RBFOX1: variants seen among roughly 807,000 people sequenced by gnomAD.
The protein encoded by RBFOX1 is RNA binding fox-1 homolog 1, also known as RNA binding protein fox-1 homolog 1.
RBFOX1 carries 8 observed loss-of-function variants against 57.7 expected under a neutral mutation model. The ratio of observed to expected loss-of-function variants is 0.14; its 90% CI spans 0.08 to 0.25. The LOEUF (loss-of-function observed/expected upper bound fraction) is 0.25, where lower values mean the gene tolerates loss of function less well. Among genes scored for constraint, RBFOX1 ranks in the 10% least tolerant of loss-of-function variants. The pLI is 1.00. For missense variants in RBFOX1, 611 were observed against 548.5 expected (o/e 1.11, Z -1.14); for synonymous variants, 326 against 222.4 (o/e 1.47, Z -4.15).
At chr16:7,375,055 T>C (rs1367121057) in intron 4 of RBFOX1, among the ~76,000 whole-genome samples, 1 of 152,370 alleles carries the variant, frequency 6.6e-6, no homozygotes, top group Middle Eastern at 3.4e-3. Flanking sequence ...GATAGGCGTA[T>C]GTTTCAGGAG....
intron 5 of RBFOX1, among the ~76,000 whole-genome samples, chr16:7,559,896 G>A (rs2089899367): frequency 6.6e-6 from 1 of 152,216 alleles, no homozygotes; most frequent in Non-Finnish European, 1.5e-5. Flanking sequence ...AGGTCAAATA[G>A]TTGTCTTTGG....
Position 5,819,275 on chromosome 16 carries a change from G to A in RBFOX1, c.319-48028G>A, listed in dbSNP as rs28407272. Among the ~76,000 whole-genome samples, 236 of 152,270 alleles carry A rather than the reference G, an allele frequency of 1.5e-3. 1 individual carries two copies. The highest frequency in any genetic ancestry group is 5.5e-3 in the African/African-American group (228 of 41,546). ...ACAAAGGATCATACGAGCTCTCTGGGATCTCTTTTATAAGGGCCCTAATCC... is the reference window on the plus strand; with the variant it reads ...ACAAAGGATCATACGAGCTCTCTGGAATCTCTTTTATAAGGGCCCTAATCC... On this transcript the variant is annotated intron_variant, in intron 3 of 19. Transcript: ENST00000641259.
intron 4 of RBFOX1, among the ~76,000 whole-genome samples, chr16:6,011,168 C>T (rs1171082552): frequency 1.3e-5 from 2 of 152,186 alleles, no homozygotes; most frequent in Non-Finnish European, 2.9e-5. Context: ...ATTTTCGCCC[C>T]TGAGGTGTTA....
intron 3 of RBFOX1, among the ~76,000 whole-genome samples, chr16:6,693,084 A>G (rs2060460686): frequency 8.8e-6 from 1 of 113,358 alleles, no homozygotes; most frequent in African/African-American, 2.5e-5. Flanking sequence ...CTCTACTACC[A>G]TCACAACCAT....
intron 1 of RBFOX1, among the ~76,000 whole-genome samples, chr16:5,434,621 G>T (rs1259709186): frequency 6.6e-6 from 1 of 151,954 alleles, no homozygotes; most frequent in Admixed American, 6.6e-5. Flanking sequence ...GCCCAGCCTT[G>T]TTGTGAGTTC....
intron 1 of RBFOX1, among the ~76,000 whole-genome samples, chr16:6,025,677 G>A (rs1567283649): frequency 6.6e-6 from 1 of 152,270 alleles, no homozygotes; most frequent in East Asian, 1.9e-4. Flanking sequence ...CCATTGGTAG[G>A]TGTGGGCCAG....
intron 1 of RBFOX1, among the ~76,000 whole-genome samples, chr16:5,333,696 A>G (rs118056989): frequency 6.6e-5 from 10 of 152,206 alleles, no homozygotes; most frequent in Non-Finnish European, 1.3e-4. Flanking sequence ...CACAGGGTGC[A>G]CTTATACAAA....
intron 3 of RBFOX1, among the ~76,000 whole-genome samples, chr16:5,848,795 A>G (rs2056818378): frequency 6.6e-6 from 1 of 152,046 alleles, no homozygotes; most frequent in East Asian, 1.9e-4. Context: ...AAAAAAATAC[A>G]AAAATTAGCT....
At chr16:5,370,068 C>T (rs2065819157) in intron 1 of RBFOX1, among the ~76,000 whole-genome samples, 1 of 152,088 alleles carries the variant, frequency 6.6e-6, no homozygotes, top group Non-Finnish European at 1.5e-5. Context: ...ATGTGCTGGG[C>T]ACCATTCTCC....
intron 4 of RBFOX1, among the ~76,000 whole-genome samples, chr16:7,268,730 C>T (rs1169973062): frequency 6.6e-6 from 1 of 151,930 alleles, no homozygotes; most frequent in Non-Finnish European, 1.5e-5. Flanking sequence ...TTTTCTCACC[C>T]AAAGGCAAAA....
chr16:6,870,841 A>G (rs2153266294), intron 3 of RBFOX1, among the ~76,000 whole-genome samples: 1 of 152,308 alleles, frequency 6.6e-6, no homozygotes, highest in Admixed American at 6.5e-5. Flanking sequence ...TGTCGCTCTG[A>G]GATTTACAGT....
intron 3 of RBFOX1, among the ~76,000 whole-genome samples, chr16:6,660,361 A>G (rs1036879590): frequency 1.3e-5 from 2 of 152,176 alleles, no homozygotes; most frequent in Non-Finnish European, 2.9e-5. Flanking sequence ...CTTATATAAC[A>G]AACCTGCACA....
intron 4 of RBFOX1, among the ~76,000 whole-genome samples, chr16:7,343,187 C>T (rs1250154139): frequency 1.3e-5 from 2 of 152,216 alleles, no homozygotes; most frequent in Non-Finnish European, 2.9e-5. Context: ...TAGCTCCCAT[C>T]TGTCAGTGCC....
At chr16:6,712,693 A>G (rs1434499751) in intron 3 of RBFOX1, among the ~76,000 whole-genome samples, 2 of 151,970 alleles carry the variant, frequency 1.3e-5, no homozygotes, top group African/African-American at 4.8e-5. Flanking sequence ...TCTCCTAAGT[A>G]TCTCTGAAAA....
intron 3 of RBFOX1, chr16:7,003,954 A>G (rs539525043): frequency 8.6e-5 from 13 of 151,904 alleles, no homozygotes; most frequent in African/African-American, 2.4e-4. Flanking sequence ...TTCTTTTAAA[A>G]AAACATCCCA....
intron 4 of RBFOX1, among the ~76,000 whole-genome samples, chr16:5,881,622 G>C (rs1009018095): frequency 2.0e-5 from 3 of 152,134 alleles, no homozygotes; most frequent in Non-Finnish European, 4.4e-5. Context: ...GGAGGTTGCT[G>C]TGAGTCAAAA....
chr16:5,447,109 C>A (rs1195853262), intron 1 of RBFOX1, among the ~76,000 whole-genome samples: 1 of 152,114 alleles, frequency 6.6e-6, no homozygotes, highest in East Asian at 1.9e-4. Context: ...CCGCATGAGC[C>A]CCTTGGCTGG....
chr16:6,393,548 C>A (rs933288336), intron 2 of RBFOX1, among the ~76,000 whole-genome samples: 1 of 152,116 alleles, frequency 6.6e-6, no homozygotes, highest in Admixed American at 6.5e-5. Context: ...TCCTTGAAGA[C>A]CCCCCACATG....
At chr16:6,664,830 C>G (rs1014744499) in intron 3 of RBFOX1, among the ~76,000 whole-genome samples, 66 of 152,276 alleles carry the variant, frequency 4.3e-4, no homozygotes, top group African/African-American at 1.5e-3. Flanking sequence ...GTTTTGCAGT[C>G]AAACGGATCT....
Sources: allele counts gnomAD v4.1 joint callset (sites outside exome capture counted in the v4.1 genomes callset), GRCh38; gene constraint gnomAD v4.1.1; transcripts MANE v1.5; gene names NCBI Gene and HGNC (gene_info 2026-07-23, HGNC 2026-07-21).